Variants in PLCB4 observed in about 807,000 individuals in gnomAD.
PLCB4 encodes the protein phospholipase C beta 4, also known as 1-phosphatidylinositol 4,5-bisphosphate phosphodiesterase beta-4.
A neutral mutation model predicts 178.8 loss-of-function variants in PLCB4; 77 were observed. That is an observed-to-expected ratio of 0.43 (90% CI 0.36 to 0.52). The LOEUF (loss-of-function observed/expected upper bound fraction) is 0.52. Ranked by LOEUF, PLCB4 falls within the 20% of genes least tolerant of loss-of-function variation. The pLI is 0.00. For synonymous variants in PLCB4, 496 were observed against 490.8 expected (o/e 1.01, Z -0.14); for missense variants, 1,024 against 1,453.4 (o/e 0.70, Z 4.80).
intron 3 of PLCB4, among the ~76,000 whole-genome samples, chr20:9,234,474 G>A (rs1353276751): frequency 6.6e-6 from 1 of 152,136 alleles, no homozygotes; most frequent in Non-Finnish European, 1.5e-5. Context: ...GATCAGGATT[G>A]TGGACAAGTG....
chr20:9,227,096 C>T (rs556777530), intron 3 of PLCB4, among the ~76,000 whole-genome samples: 23 of 151,942 alleles, frequency 1.5e-4, no homozygotes, highest in African/African-American at 5.6e-4. Flanking sequence ...GCTTGCTGAT[C>T]ATTTATACCT....
intron 2 of PLCB4, among the ~76,000 whole-genome samples, chr20:9,175,294 T>C (rs2147061787): frequency 6.6e-6 from 1 of 152,212 alleles, no homozygotes; most frequent in African/African-American, 2.4e-5. Flanking sequence ...GGGAGAAGGG[T>C]GAACCCTTCT....
At chr20:9,307,494 T>TATATACACACACACACACACACAC (rs1396442853) in intron 3 of PLCB4, among the ~76,000 whole-genome samples, 1 of 138,096 alleles carries the variant, frequency 7.2e-6, no homozygotes, top group African/African-American at 2.8e-5. Flanking sequence ...AAAAAAAGAA[T>TATATACACACACACACACACACAC]ACACACACAC....
chr20:9,458,860 T>C (rs1334871085), intron 34 of PLCB4, among the ~76,000 whole-genome samples: 1 of 152,160 alleles, frequency 6.6e-6, no homozygotes, highest in East Asian at 1.9e-4. Context: ...TGCAAAGAGC[T>C]TGGATATTGG....
At chr20:9,118,063 A>ATT in intron 2 of PLCB4, among the ~76,000 whole-genome samples, 1 of 152,172 alleles carries the variant, frequency 6.6e-6, no homozygotes, top group South Asian at 2.1e-4. Flanking sequence ...ATTATATATC[A>ATT]AATTTTCTAG....
intron 4 of PLCB4, among the ~76,000 whole-genome samples, chr20:9,319,994 C>T (rs551853985): frequency 6.6e-6 from 1 of 152,276 alleles, no homozygotes; most frequent in East Asian, 1.9e-4. Flanking sequence ...GTATCCTGAT[C>T]TAGACCCTAA....
At position 9,411,055 on chromosome 20, in the gene PLCB4, A is replaced by G. The variant is rs577627133; in HGVS notation, c.2018A>G (p.Asn673Ser). 1.9e-6 allele frequency: 3 copies of G among 1,611,852 alleles called. No homozygotes were observed. Among genetic ancestry groups the G allele is most frequent in the South Asian group, 1.1e-5 (1 of 91,020 alleles). ...TTGACAGATTTAGCGATGCAATTGA[A>G]TCAGGGAAAATTTGAGTATAATGGA... ...YQTPDLAMQLNQGKFEYNGSC... is the reference protein window; with the variant it reads ...YQTPDLAMQLSQGKFEYNGSC... The change falls in exon 25 of 40, where the codon AAT becomes AGT. Residue 673 changes from asparagine to serine, a missense_variant. By Grantham distance (46) the Asn-to-Ser change is conservative. Coordinates refer to ENST00000378473, the MANE Select transcript of PLCB4 (RefSeq NM_001377142.1).
chr20:9,084,304 A>T (rs772741298), intron 1 of PLCB4, among the ~76,000 whole-genome samples: 2 of 152,180 alleles, frequency 1.3e-5, no homozygotes, highest in South Asian at 2.1e-4. Context: ...ATCTTTTTCC[A>T]TAATTAGGAA....
intron 3 of PLCB4, among the ~76,000 whole-genome samples, chr20:9,239,793 T>G (rs1168493413): frequency 1.3e-5 from 2 of 152,152 alleles, no homozygotes; most frequent in Non-Finnish European, 2.9e-5. Context: ...AAGCTGACAG[T>G]GCAGTCTTCA....
intron 2 of PLCB4, among the ~76,000 whole-genome samples, chr20:9,172,409 C>T (rs983807505): frequency 3.3e-5 from 5 of 152,330 alleles, no homozygotes; most frequent in African/African-American, 7.2e-5. Flanking sequence ...CTGAAGCTTT[C>T]CTCACTGCTA....
At chr20:9,073,767 A>G (rs2089687641) in intron 1 of PLCB4, among the ~76,000 whole-genome samples, 1 of 152,108 alleles carries the variant, frequency 6.6e-6, no homozygotes, top group Admixed American at 6.6e-5. Flanking sequence ...ACATGCCTGT[A>G]ATCCTAGCTA....
intron 2 of PLCB4, among the ~76,000 whole-genome samples, chr20:9,171,771 C>A (rs2093067656): frequency 6.6e-6 from 1 of 152,128 alleles, no homozygotes; most frequent in South Asian, 2.1e-4. Context: ...AGCATATTAT[C>A]TGCATTTATT....
intron 25 of PLCB4, among the ~76,000 whole-genome samples, chr20:9,412,790 C>A (rs530089305): frequency 6.6e-6 from 1 of 152,172 alleles, no homozygotes; most frequent in African/African-American, 2.4e-5. Flanking sequence ...CATCTGCTGG[C>A]GCTCACCTTA....
chr20:9,151,761 G>A (rs1188141186), intron 2 of PLCB4, among the ~76,000 whole-genome samples: 2 of 152,158 alleles, frequency 1.3e-5, no homozygotes. Context: ...CGAAAATATG[G>A]AAGTGACTTT....
chr20:9,432,675 G>A (rs1285877772), intron 28 of PLCB4, among the ~76,000 whole-genome samples: 2 of 152,128 alleles, frequency 1.3e-5, no homozygotes, highest in African/African-American at 2.4e-5. Flanking sequence ...AGTCTAGGTT[G>A]GTCAAATTGT....
chr20:9,260,139 A>T (rs2094282601), intron 3 of PLCB4, among the ~76,000 whole-genome samples: 1 of 152,122 alleles, frequency 6.6e-6, no homozygotes, highest in Non-Finnish European at 1.5e-5. Context: ...GAAAATTTTC[A>T]TACTAAACAC....
At chr20:9,333,354 T>A (rs914263717) in intron 4 of PLCB4, among the ~76,000 whole-genome samples, 1 of 151,876 alleles carries the variant, frequency 6.6e-6, no homozygotes, top group African/African-American at 2.4e-5. Flanking sequence ...GAAGACAAGG[T>A]CTGTAGAATG....
intron 24 of PLCB4, 25 bp from the exon 25 acceptor site, chr20:9,411,012 C>G: frequency 6.3e-7 from 1 of 1,586,414 alleles, no homozygotes. Context: ...AGACAAGATG[C>G]TAAATTATTT....
chr20:9,214,523 G>A (rs180964392), intron 2 of PLCB4, among the ~76,000 whole-genome samples: 1 of 150,878 alleles, frequency 6.6e-6, no homozygotes, highest in African/African-American at 2.4e-5. Context: ...TTCTTTGAAA[G>A]ATCAAAACAC....
Sources: allele counts gnomAD v4.1 joint callset (sites outside exome capture counted in the v4.1 genomes callset), GRCh38; gene constraint gnomAD v4.1.1; transcripts MANE v1.5; gene names NCBI Gene and HGNC (gene_info 2026-07-23, HGNC 2026-07-21).